RPSA2: variants seen among roughly 807,000 people sequenced by gnomAD.
RPSA2 encodes the protein ribosomal protein SA 2.
chr19:23,853,117 A>C, the RPSA2 span, among the ~76,000 whole-genome samples: 3,516 of 152,336 alleles, frequency 0.023, 73 homozygotes, highest in Non-Finnish European at 0.032. Flanking sequence ...TTCCCTGAGG[A>C]AGTACTTTCC....
the RPSA2 span, among the ~76,000 whole-genome samples, chr19:23,846,440 C>T: frequency 6.6e-6 from 1 of 150,926 alleles, no homozygotes; most frequent in Non-Finnish European, 1.5e-5. Flanking sequence ...TTATTTATTT[C>T]TCTCTTTGTT....
the RPSA2 span, among the ~76,000 whole-genome samples, chr19:23,822,840 C>T: frequency 6.6e-6 from 1 of 152,098 alleles, no homozygotes; most frequent in African/African-American, 2.4e-5. Flanking sequence ...GGTGGTTCCT[C>T]CAAAACTGGT....
At chr19:23,847,108 G>A in the RPSA2 span, among the ~76,000 whole-genome samples, 2 of 151,346 alleles carry the variant, frequency 1.3e-5, no homozygotes, top group African/African-American at 4.9e-5. Context: ...CTGTTTAAAG[G>A]TCTGAAAATT....
chr19:23,857,747 G>T, the RPSA2 span, among the ~76,000 whole-genome samples: 1 of 151,614 alleles, frequency 6.6e-6, no homozygotes, highest in Non-Finnish European at 1.5e-5. Flanking sequence ...CACCCACCTT[G>T]GCCTCCCAAA....
At chr19:23,792,802 C>T in the RPSA2 span, among the ~76,000 whole-genome samples, 1 of 151,924 alleles carries the variant, frequency 6.6e-6, no homozygotes, top group South Asian at 2.1e-4. Flanking sequence ...TGTGAGCCAC[C>T]GCGCCAGGCC....
chr19:23,855,218 C>T, the RPSA2 span, among the ~76,000 whole-genome samples: 1 of 152,150 alleles, frequency 6.6e-6, no homozygotes, highest in Middle Eastern at 3.2e-3. Flanking sequence ...AATTAGAATG[C>T]CATCAGCATG....
At chr19:23,834,533 T>C in the RPSA2 span, among the ~76,000 whole-genome samples, 81 of 152,172 alleles carry the variant, frequency 5.3e-4, 1 homozygote, top group Non-Finnish European at 9.3e-4. Flanking sequence ...GAGGTAGGTG[T>C]TCAGAGTAAT....
At chr19:23,838,321 G>T in the RPSA2 span, among the ~76,000 whole-genome samples, 2 of 152,106 alleles carry the variant, frequency 1.3e-5, no homozygotes, top group Non-Finnish European at 2.9e-5. Flanking sequence ...TTTTTGACAT[G>T]TTGGATTTGG....
chr19:23,758,656 A>G, the RPSA2 span: 16 of 1,601,936 alleles, frequency 1.0e-5, no homozygotes, highest in Admixed American at 1.7e-5. Flanking sequence ...AGGAGAACTC[A>G]GGGCGCAAAT....
the RPSA2 span, among the ~76,000 whole-genome samples, chr19:23,870,550 A>G: frequency 6.6e-5 from 10 of 152,354 alleles, no homozygotes; most frequent in Admixed American, 4.6e-4. Context: ...GATTTAAATA[A>G]GCAAACTCAA....
At chr19:23,864,538 A>G in the RPSA2 span, among the ~76,000 whole-genome samples, 1 of 152,118 alleles carries the variant, frequency 6.6e-6, no homozygotes, top group African/African-American at 2.4e-5. Context: ...ACATCACCCA[A>G]CAGACAGCAT....
the RPSA2 span, among the ~76,000 whole-genome samples, chr19:23,843,965 T>A: frequency 1.3e-5 from 2 of 152,044 alleles, no homozygotes; most frequent in Non-Finnish European, 2.9e-5. Context: ...CTTCATGTTG[T>A]CCAGCCTGGT....
the RPSA2 span, chr19:23,832,621 T>C: frequency 7.1e-7 from 1 of 1,412,032 alleles, no homozygotes; most frequent in Middle Eastern, 2.0e-4. Flanking sequence ...TAATTCATAC[T>C]GGGAGAGACC....
chr19:23,788,846 C>G, the RPSA2 span, among the ~76,000 whole-genome samples: 1 of 152,176 alleles, frequency 6.6e-6, no homozygotes, highest in Non-Finnish European at 1.5e-5. Context: ...ACTGTCCTCG[C>G]CTACATGCTT....
the RPSA2 span, among the ~76,000 whole-genome samples, chr19:23,869,042 C>T: frequency 6.6e-6 from 1 of 152,130 alleles, no homozygotes; most frequent in Non-Finnish European, 1.5e-5. Context: ...AGCTATAATG[C>T]CCTGTGTGGT....
chr19:23,761,124 G>C, the RPSA2 span, among the ~76,000 whole-genome samples: 7 of 150,836 alleles, frequency 4.6e-5, no homozygotes, highest in Non-Finnish European at 8.8e-5. Flanking sequence ...GTCTCACTCT[G>C]TCATCCAGGC....
chr19:23,867,286 G>C, the RPSA2 span, among the ~76,000 whole-genome samples: 1 of 152,176 alleles, frequency 6.6e-6, no homozygotes, highest in Non-Finnish European at 1.5e-5. Flanking sequence ...AGTGTTCAAC[G>C]GAGTGCTGAG....
chr19:23,760,201 C>T, the RPSA2 span, among the ~76,000 whole-genome samples: 1 of 152,126 alleles, frequency 6.6e-6, no homozygotes, highest in South Asian at 2.1e-4. Context: ...TTGACTCCAT[C>T]CCTATCTCCA....
At chr19:23,789,346 C>A in the RPSA2 span, among the ~76,000 whole-genome samples, 1 of 152,116 alleles carries the variant, frequency 6.6e-6, no homozygotes, top group African/African-American at 2.4e-5. Flanking sequence ...TTTAATGCAT[C>A]CCTGACCAGG....
Sources: gnomAD v4.1 joint callset for allele counts (sites outside exome capture counted in the v4.1 genomes callset) on GRCh38, gnomAD v4.1.1 for gene constraint, MANE v1.5 for transcripts, NCBI Gene and HGNC (gene_info 2026-07-23, HGNC 2026-07-21) for gene names.